KDM7A: variants seen among roughly 807,000 people sequenced by gnomAD.
KDM7A encodes lysine-specific demethylase 7A.
KDM7A carries 28 observed loss-of-function variants against 114.8 expected under a neutral mutation model. That is an observed-to-expected ratio of 0.24 (90% CI 0.18 to 0.33). The LOEUF is 0.33. KDM7A is among the 10% of genes least tolerant of loss of function. The pLI, the probability that KDM7A is intolerant of heterozygous loss-of-function variation, is 1.00. For missense variants in KDM7A, 942 were observed against 1,142.5 expected (o/e 0.82, Z 2.53); for synonymous variants, 423 against 397.8 (o/e 1.06, Z -0.75).
At chr7:140,100,721 T>TATATATATATATACACATATAC (rs1818205151) in intron 12 of KDM7A, among the ~76,000 whole-genome samples, 1 of 57,240 alleles carries the variant, frequency 1.7e-5, no homozygotes, top group Non-Finnish European at 3.5e-5. Context: ...CATATATATA[T>TATATATATATATACACATATAC]ATATATATAT....
At chr7:140,100,717 T>TATATATATATATATATACACAC (rs1818203321) in intron 12 of KDM7A, among the ~76,000 whole-genome samples, 2 of 53,270 alleles carry the variant, frequency 3.8e-5, no homozygotes, top group Non-Finnish European at 3.8e-5. Flanking sequence ...TACACATATA[T>TATATATATATATATATACACAC]ATATATATAT....
rs191468142 is a variant in KDM7A at position 140,167,265 on chromosome 7, A to T, written c.194+9479T>A. On this transcript the variant is annotated intron_variant, in intron 1 of 19. Transcript: ENST00000397560. ...TTGATACTAAAGTTCATATTAAAAAATAAATCTGCAAGAATAACCAGAAAC... is the reference window on the plus strand; with the variant it reads ...TTGATACTAAAGTTCATATTAAAAATTAAATCTGCAAGAATAACCAGAAAC... Among the ~76,000 whole-genome samples the T allele has an allele frequency of 4.3e-3, 629 of 147,798 alleles. 1 individual carries two copies. Among genetic ancestry groups the T allele is most frequent in the Non-Finnish European group, 6.8e-3 (458 of 67,244 alleles).
rs200923599 is a variant in KDM7A at position 140,097,093 on chromosome 7, C to G, written c.2017-46G>C. 1.0e-5 allele frequency: 15 copies of G among 1,432,860 alleles called. No individual in the cohort carries two copies. The East Asian group carries it at 3.0e-4, about 28-fold the overall frequency. 88.8% of individuals were successfully genotyped at this position (1,432,860 alleles called of 1,614,324 possible). Reference sequence around the variant, plus strand: ...AAACAAAGCTACATAAGAAATTGACCAAGTCTGTACAAATGAATCCGAAAA... The same window carrying G: ...AAACAAAGCTACATAAGAAATTGACGAAGTCTGTACAAATGAATCCGAAAA... On this transcript the variant is annotated intron_variant, in intron 15 of 19. Coordinates refer to ENST00000397560, the MANE Select transcript of KDM7A (RefSeq NM_030647.2).
chr7:140,129,523 A>C lies in KDM7A; in HGVS notation c.529T>G (p.Phe177Val), dbSNP rs760541231. ...TAACGTTCCACATCCATCACAGAAAATGTAGGTGAAGGGAGCCTGAGTCCT... is the reference window on the plus strand; with the variant it reads ...TAACGTTCCACATCCATCACAGAAACTGTAGGTGAAGGGAGCCTGAGTCCT... ...DLGLRLPSPTFSVMDVERYVG... is the reference protein window; with the variant it reads ...DLGLRLPSPTVSVMDVERYVG... Residue 177 changes from phenylalanine to valine, a missense_variant, in exon 4 of 20, where the codon TTT becomes GTT. Physicochemically the swap from Phe to Val is conservative, Grantham distance 50. Transcript: ENST00000397560. 1 of 1,613,710 alleles carries C rather than the reference A, an allele frequency of 6.2e-7. No individual in the cohort carries two copies. Among genetic ancestry groups the C allele is most frequent in the South Asian group, 1.1e-5 (1 of 91,064 alleles).
intron 1 of KDM7A, among the ~76,000 whole-genome samples, chr7:140,165,805 G>C (rs1325081972): frequency 6.6e-6 from 1 of 150,512 alleles, no homozygotes; most frequent in Non-Finnish European, 1.5e-5. Context: ...ATGCCAAAGA[G>C]AAACCATAAA....
chr7:140,118,705 T>A (rs985774517), intron 9 of KDM7A, among the ~76,000 whole-genome samples: 2 of 151,870 alleles, frequency 1.3e-5, no homozygotes, highest in Admixed American at 1.3e-4. Context: ...CGTGAACCAC[T>A]GTGCCCAGCC....
intron 7 of KDM7A, among the ~76,000 whole-genome samples, chr7:140,124,364 G>A (rs1429201374): frequency 3.9e-5 from 6 of 152,098 alleles, no homozygotes; most frequent in African/African-American, 1.4e-4. Flanking sequence ...TTAAAAGGGT[G>A]AATATTGTGG....
intron 1 of KDM7A, among the ~76,000 whole-genome samples, chr7:140,153,669 T>C (rs1794426507): frequency 6.6e-6 from 1 of 152,224 alleles, no homozygotes; most frequent in Non-Finnish European, 1.5e-5. Context: ...TAATACTTCT[T>C]TAGTACACTA....
At position 140,168,188 on chromosome 7, in the gene KDM7A, A is replaced by C. The variant is rs967792927; in HGVS notation, c.194+8556T>G. 6.6e-5 allele frequency among the ~76,000 whole-genome samples: 10 copies of C among 152,334 alleles called. No individual in the cohort carries two copies. In the East Asian group the frequency reaches 9.6e-4, roughly 15 times the overall value. ...AAACTGGTCCAACCATTCTAGAGAG[A>C]AATCTAGCAATCCTAATAAAACAAC... On this transcript the variant is annotated intron_variant, in intron 1 of 19. Coordinates refer to ENST00000397560, the MANE Select transcript of KDM7A (RefSeq NM_030647.2).
intron 1 of KDM7A, among the ~76,000 whole-genome samples, chr7:140,146,011 T>C (rs1301217001): frequency 6.6e-6 from 1 of 152,214 alleles, no homozygotes; most frequent in East Asian, 1.9e-4. Context: ...TAGTGTCTAC[T>C]TGTCATCCCA....
In KDM7A at chr7:140,086,730, TCC is replaced by T. The variant is rs1412463614; in HGVS notation, c.*4362_*4363del. 2 of 152,084 alleles carry T rather than the reference TCC, an allele frequency of 1.3e-5. No individual in the cohort carries two copies. The highest frequency in any genetic ancestry group is 2.9e-5 in the Non-Finnish European group (2 of 68,032). The allele number at this position is 152,084 out of a possible 1,614,324, so 9.4% of individuals were successfully genotyped here. On this transcript the variant is annotated 3_prime_UTR_variant, in exon 20 of 20. Coordinates refer to ENST00000397560, the MANE Select transcript of KDM7A (RefSeq NM_030647.2). ...TCAGAGGCCCCAGATCCACTGTGTC[TCC>T]CCACGCAAATCACTGTCCACTCTGG...
Position 140,088,273 on chromosome 7 carries a change from A to G in KDM7A, c.*2821T>C, listed in dbSNP as rs951554918. ...TTTATATTGTTTACATCACTCATCA[A>G]TATTGAAAAGCATAATATTATGTGA... is the stretch of plus-strand genomic sequence containing the variant. On this transcript the variant is annotated 3_prime_UTR_variant, in exon 20 of 20. Coordinates refer to ENST00000397560, the MANE Select transcript of KDM7A (RefSeq NM_030647.2). 18 of 369,320 alleles carry G rather than the reference A, an allele frequency of 4.9e-5. No homozygotes were observed. Among genetic ancestry groups the G allele is most frequent in the Non-Finnish European group, 8.7e-5 (18 of 207,782 alleles). 22.9% of individuals were successfully genotyped at this position (369,320 alleles called of 1,614,324 possible).
intron 6 of KDM7A, 99 bp from the exon 7 acceptor site, chr7:140,124,882 G>T: frequency 1.4e-6 from 1 of 698,880 alleles, no homozygotes; most frequent in Non-Finnish European, 2.3e-6. Context: ...AAATTAAATT[G>T]GATAATTATC....
chr7:140,089,265 T>C lies in KDM7A; in HGVS notation c.*1829A>G, dbSNP rs1817981862. On this transcript the variant is annotated 3_prime_UTR_variant, in exon 20 of 20. Transcript: ENST00000397560. The stretch of plus-strand genomic sequence containing the variant: ...AAAATTCTTTTTCCTGATACCCAGA[T>C]AAGATTCAGACTTTGGTCCAGTCAC... The C allele has an allele frequency of 6.6e-6, 1 of 152,210 alleles. No individual in the cohort carries two copies. The allele number at this position is 152,210 out of a possible 1,614,324, so 9.4% of individuals were successfully genotyped here.
intron 1 of KDM7A, among the ~76,000 whole-genome samples, chr7:140,147,997 G>A (rs139065590): frequency 5.5e-4 from 84 of 152,250 alleles, no homozygotes; most frequent in African/African-American, 1.7e-3. Flanking sequence ...CCTATAGTAA[G>A]CAATGGCACA....
rs117055575 is a variant in KDM7A, at chr7:140,170,745, T to G, written c.194+5999A>C. Among the ~76,000 whole-genome samples, 624 of 152,348 alleles carry G rather than the reference T, an allele frequency of 4.1e-3. 1 individual carries two copies. The highest frequency in any genetic ancestry group is 6.7e-3 in the Non-Finnish European group (455 of 68,028). On this transcript the variant is annotated intron_variant, in intron 1 of 19. Coordinates refer to ENST00000397560, the MANE Select transcript of KDM7A (RefSeq NM_030647.2). The stretch of plus-strand genomic sequence containing the variant: ...TTATCTCTCTTTCCCTTCGAGAATG[T>G]AAGTCACAAGACAGCAAGGACTTTG...
intron 6 of KDM7A, among the ~76,000 whole-genome samples, chr7:140,125,796 A>G (rs1454690187): frequency 7.2e-6 from 1 of 139,362 alleles, no homozygotes; most frequent in East Asian, 2.2e-4. Flanking sequence ...AGTGCAGTGG[A>G]GTGATCACGG....
At chr7:140,154,320 CAA>C (rs752536419) in intron 1 of KDM7A, among the ~76,000 whole-genome samples, 2 of 132,680 alleles carry the variant, frequency 1.5e-5, no homozygotes, top group African/African-American at 2.8e-5. Flanking sequence ...CCCGTCACTA[CAA>C]AAAAAAAAAA....
chr7:140,144,293 A>T (rs1794316164), intron 1 of KDM7A, among the ~76,000 whole-genome samples: 2 of 152,262 alleles, frequency 1.3e-5, no homozygotes, highest in African/African-American at 4.8e-5. Flanking sequence ...ATGAGACAAC[A>T]TACATATGCA....
Sources: gnomAD v4.1 joint callset for allele counts (sites outside exome capture counted in the v4.1 genomes callset) on GRCh38, gnomAD v4.1.1 for gene constraint, MANE v1.5 for transcripts, NCBI Gene and HGNC (gene_info 2026-07-23, HGNC 2026-07-21) for gene names.